The following CFAP46 variants were observed in gnomAD, a reference collection of about 807,000 sequenced individuals.
CFAP46 encodes cilia- and flagella-associated protein 46.
A neutral mutation model predicts 325.7 loss-of-function variants in CFAP46; 245 were observed. The observed-to-expected ratio is 0.75, with a 90% CI of 0.68 to 0.84. The LOEUF (loss-of-function observed/expected upper bound fraction) is 0.84, where lower values mean the gene tolerates loss of function less well. CFAP46 is among the 40% of genes least tolerant of loss of function. The pLI, the probability that CFAP46 is intolerant of heterozygous loss-of-function variation, is 0.00. For synonymous variants in CFAP46, 1,523 were observed against 1,495.9 expected (o/e 1.02, Z -0.42); for missense variants, 3,346 against 3,543.0 (o/e 0.94, Z 1.41).
chr10:132,906,412 A>T (rs1021926801), intron 22 of CFAP46, among the ~76,000 whole-genome samples: 1 of 152,266 alleles, frequency 6.6e-6, no homozygotes, highest in Non-Finnish European at 1.5e-5. Flanking sequence ...AGAGCCTGGG[A>T]ACAGTAGTGC....
At chr10:132,899,728 T>TG (rs1450251869) in intron 22 of CFAP46, 62 bp from the exon 23 acceptor site, 1 of 1,503,180 alleles carries the variant, frequency 6.7e-7, no homozygotes, top group Non-Finnish European at 8.9e-7. Flanking sequence ...CCTCCCTCCC[T>TG]GGGTCACTGT....
At chr10:132,844,452 C>T (rs919093127) in intron 44 of CFAP46, among the ~76,000 whole-genome samples, 1 of 152,166 alleles carries the variant, frequency 6.6e-6, no homozygotes, top group South Asian at 2.1e-4. Flanking sequence ...TGAGGCTCTG[C>T]CATTCGCCAG....
intron 44 of CFAP46, among the ~76,000 whole-genome samples, chr10:132,843,465 A>G (rs1209715383): frequency 9.2e-3 from 429 of 46,630 alleles, no homozygotes; most frequent in African/African-American, 0.012. Flanking sequence ...AGGGTGCTGT[A>G]GGGCTGCTGC....
chr10:132,922,232 AAGCAG>A lies in CFAP46; in HGVS notation c.1486-13_1486-9del. On this transcript the variant is annotated splice_polypyrimidine_tract_variant and intron_variant, in intron 12 of 57. Coordinates refer to ENST00000368586, the MANE Select transcript of CFAP46 (RefSeq NM_001200049.3). The stretch of plus-strand genomic sequence containing the variant: ...TGGTGTAGCTTTTTTTGCCTGTGAA[AAGCAG>A]AGACTGATGAGCAAGGGGCCGCTGG... The A allele has an allele frequency of 6.5e-7, 1 of 1,547,786 alleles. No homozygotes were observed.
chr10:132,906,991 G>A (rs891938277), intron 22 of CFAP46, among the ~76,000 whole-genome samples: 23 of 152,234 alleles, frequency 1.5e-4, no homozygotes, highest in Admixed American at 6.5e-4. Context: ...AGGAGACCCC[G>A]GACACGTGGA....
At chr10:132,818,615 G>A (rs143128472) in intron 50 of CFAP46, among the ~76,000 whole-genome samples, 25 of 152,270 alleles carry the variant, frequency 1.6e-4, no homozygotes, top group African/African-American at 5.8e-4. Flanking sequence ...CACTTTGGGA[G>A]GCCGAGGTGG....
At position 132,869,128 on chromosome 10, in the gene CFAP46, C is replaced by T. The variant is rs1848859578; in HGVS notation, c.4610+146G>A. 8 of 573,024 alleles carry T rather than the reference C, an allele frequency of 1.4e-5. 1 individual carries two copies. The South Asian group carries it at 2.6e-4, about 19-fold the overall frequency. 35.5% of individuals were successfully genotyped at this position (573,024 alleles called of 1,614,324 possible). A position where few individuals can be genotyped will look rare whatever the true frequency, so the allele number is the denominator to read the frequency against. On this transcript the variant is annotated intron_variant, in intron 33 of 57. Coordinates refer to ENST00000368586, the MANE Select transcript of CFAP46 (RefSeq NM_001200049.3). The surrounding 1 kb of genome is among the most constrained non-coding windows in gnomAD (Gnocchi z 6.2). ...CCACCTCCAGCACGACCCAGGAGAA[C>T]CGGCCACAGCCGTGTCCCCCAAGTG...
chr10:132,822,485 CTGTGTGT>C, intron 50 of CFAP46, among the ~76,000 whole-genome samples: 1 of 105,946 alleles, frequency 9.4e-6, no homozygotes, highest in East Asian at 3.2e-4. Flanking sequence ...GCTGTGTGTG[CTGTGTGT>C]GCTGATGTGT....
chr10:132,846,402 C>T (rs754783542), intron 43 of CFAP46, among the ~76,000 whole-genome samples, 175 bp from the exon 44 acceptor site: 30 of 152,204 alleles, frequency 2.0e-4, no homozygotes, highest in Middle Eastern at 3.2e-3. Flanking sequence ...CGTGGGGCCA[C>T]GCTTGTTCCC....
At chr10:132,815,015 A>AT in intron 50 of CFAP46, 101 bp from the exon 51 acceptor site, 1 of 1,052,002 alleles carries the variant, frequency 9.5e-7, no homozygotes, top group Non-Finnish European at 1.4e-6. Flanking sequence ...TTTCACTTAA[A>AT]TGAAAAAAAA....
chr10:132,936,043 T>G, intron 7 of CFAP46, among the ~76,000 whole-genome samples: 1 of 30,936 alleles, frequency 3.2e-5, no homozygotes, highest in African/African-American at 1.8e-4. Context: ...CTCACTCCCC[T>G]CACATCCAAA....
intron 19 of CFAP46, 139 bp from the exon 20 acceptor site, chr10:132,910,207 C>T: frequency 1.3e-6 from 1 of 767,560 alleles, no homozygotes; most frequent in Non-Finnish European, 1.8e-6. Flanking sequence ...ACCTCAGGCC[C>T]ACCAGCGGCT....
At position 132,814,670 on chromosome 10, in the gene CFAP46, G is replaced by A. The variant is rs745460925; in HGVS notation, c.7249+16C>T. The stretch of plus-strand genomic sequence containing the variant: ...GGGCGGGGTCTGGGGCCCCCCCGGG[G>A]CCCATCAAAGGATACACTTGAAGTT... On this transcript the variant is annotated intron_variant, in intron 52 of 57. Coordinates refer to ENST00000368586, the MANE Select transcript of CFAP46 (RefSeq NM_001200049.3). 1.3e-6 allele frequency: 2 copies of A among 1,590,880 alleles called. No homozygotes were observed. Among genetic ancestry groups the A allele is most frequent in the East Asian group, 2.3e-5 (1 of 44,256 alleles).
At chr10:132,892,735 T>C (rs1203054415) in intron 24 of CFAP46, among the ~76,000 whole-genome samples, 1 of 152,258 alleles carries the variant, frequency 6.6e-6, no homozygotes, top group Non-Finnish European at 1.5e-5. Flanking sequence ...TCAGCGCCGC[T>C]TGAATCGATG....
At position 132,934,783 on chromosome 10, in the gene CFAP46, G is replaced by A; in HGVS notation, c.835C>T (p.His279Tyr). 1 of 1,610,970 alleles carries A rather than the reference G, an allele frequency of 6.2e-7. No homozygotes were observed. Among genetic ancestry groups the A allele is most frequent in the Non-Finnish European group, 8.5e-7 (1 of 1,177,382 alleles). Residue 279 changes from histidine to tyrosine, a missense_variant, in exon 8 of 58, where the codon CAC becomes TAC. Physicochemically the swap from His to Tyr is moderately conservative, Grantham distance 83. Coordinates refer to ENST00000368586, the MANE Select transcript of CFAP46 (RefSeq NM_001200049.3). ...TCACTGATAGAGGGAAAGCGCTGGTGGTTGTAATGACCTAAGTGTCTGTAG... is the reference window on the plus strand; with the variant it reads ...TCACTGATAGAGGGAAAGCGCTGGTAGTTGTAATGACCTAAGTGTCTGTAG... ...KAYRHLGHYN[H>Y]QRFPSISEEK...
rs574616419 is a variant in CFAP46 at position 132,867,343 on chromosome 10, C to T, written c.4743+32G>A. On this transcript the variant is annotated intron_variant, in intron 34 of 57. Coordinates refer to ENST00000368586, the MANE Select transcript of CFAP46 (RefSeq NM_001200049.3). ...CGAGGCACCGGCGCCCGCTGGGCTG[C>T]GGGTCAGAGGGATTCTGGACGGTGA... The T allele has an allele frequency of 4.6e-4, 713 of 1,534,098 alleles. 3 individuals are homozygous for T. The African/African-American group carries it at 8.8e-3, about 19-fold the overall frequency.
chr10:132,824,927 C>G, intron 50 of CFAP46, among the ~76,000 whole-genome samples: 1 of 118,626 alleles, frequency 8.4e-6, no homozygotes, highest in South Asian at 3.0e-4. Context: ...GTGTGTGCTG[C>G]TTGTGTGTGC....
chr10:132,935,682 C>G (rs549556295), intron 7 of CFAP46, among the ~76,000 whole-genome samples: 15 of 141,142 alleles, frequency 1.1e-4, no homozygotes, highest in Admixed American at 8.8e-4. Context: ...TCTCCTCACT[C>G]CCCTCACATC....
At chr10:132,923,214 C>T (rs1849754743) in intron 11 of CFAP46, among the ~76,000 whole-genome samples, 2 of 150,920 alleles carry the variant, frequency 1.3e-5, no homozygotes, top group African/African-American at 4.9e-5. Flanking sequence ...GTGGGGGTGC[C>T]CCGGACGCCC....
Sources: gnomAD v4.1 joint callset for allele counts (sites outside exome capture counted in the v4.1 genomes callset) on GRCh38, gnomAD v4.1.1 for gene constraint, Gnocchi (gnomAD v3.1) non-coding constraint, MANE v1.5 for transcripts, NCBI Gene and HGNC (gene_info 2026-07-23, HGNC 2026-07-21) for gene names.